Variants in ROBO2 observed in about 807,000 individuals in gnomAD.
ROBO2 encodes the protein roundabout guidance receptor 2, also known as roundabout homolog 2.
In ROBO2, 53 loss-of-function variants were observed where a neutral mutation model predicts 160.8. The observed-to-expected ratio is 0.33, with a 90% confidence interval of 0.26 to 0.41. The LOEUF (loss-of-function observed/expected upper bound fraction) is 0.41, where lower values mean the gene tolerates loss of function less well. ROBO2 is among the 10% of genes least tolerant of loss of function. The pLI is 1.00. For synonymous variants in ROBO2, 664 were observed against 611.7 expected (o/e 1.09, Z -1.26); for missense variants, 1,577 against 1,722.4 (o/e 0.92, Z 1.49).
intron 2 of ROBO2, among the ~76,000 whole-genome samples, chr3:76,393,158 G>T (rs2077240723): frequency 6.6e-6 from 1 of 152,112 alleles, no homozygotes; most frequent in Non-Finnish European, 1.5e-5. Flanking sequence ...ATGGGAGCTT[G>T]TTAAAAATAC....
intron 2 of ROBO2, among the ~76,000 whole-genome samples, chr3:77,017,785 T>A (rs1578281880): frequency 1.3e-5 from 2 of 152,140 alleles, no homozygotes; most frequent in Admixed American, 1.3e-4. Flanking sequence ...TAATTTGTAA[T>A]GAAAAATACT....
At chr3:76,943,513 A>C (rs1373046974) in intron 2 of ROBO2, among the ~76,000 whole-genome samples, 2 of 152,228 alleles carry the variant, frequency 1.3e-5, no homozygotes, top group African/African-American at 4.8e-5. Flanking sequence ...TCTGTAAAAC[A>C]TATTGGAAAG....
chr3:76,437,787 T>C (rs2076752371), intron 2 of ROBO2, among the ~76,000 whole-genome samples: 1 of 152,206 alleles, frequency 6.6e-6, no homozygotes, highest in South Asian at 2.1e-4. Context: ...TTCTAAAATA[T>C]TGCCTGCTAC....
chr3:77,219,197 G>A (rs59241222), intron 2 of ROBO2, among the ~76,000 whole-genome samples: 5,360 of 151,482 alleles, frequency 0.035, 112 homozygotes, highest in Middle Eastern at 0.051. Flanking sequence ...CTCGAACTCA[G>A]CACCTCAAGT....
chr3:75,928,071 G>A (rs1201857740), intron 1 of ROBO2, among the ~76,000 whole-genome samples: 1 of 135,860 alleles, frequency 7.4e-6, no homozygotes, highest in Non-Finnish European at 1.5e-5. Flanking sequence ...TGCAAGCTCC[G>A]CCTCCCGGGT....
rs2066382696 is a variant in ROBO2 at position 76,015,532 on chromosome 3, C to T, written c.109+77930C>T. Among the ~76,000 whole-genome samples, 4 of 152,194 alleles carry T rather than the reference C, an allele frequency of 2.6e-5. No individual in the cohort carries two copies. The South Asian group carries it at 8.3e-4, about 31-fold the overall frequency. ...TATTTTACACAATTTTAGCCATCAA[C>T]AACTTATATTAACAACTAAATTAAG... On this transcript the variant is annotated intron_variant, in intron 2 of 26. Coordinates refer to the ROBO2 transcript ENST00000487694.
At position 77,282,294 on chromosome 3, in the gene ROBO2, C is replaced by T. The variant is rs150367580; in HGVS notation, c.388+183954C>T. On this transcript the variant is annotated intron_variant, in intron 2 of 25. Transcript: ENST00000461745. ...TGACTGAATTTATTTTTTTAAATAA[C>T]TGAATTACTGCATAAAATATAATTA... 9.3e-4 allele frequency among the ~76,000 whole-genome samples: 141 copies of T among 151,992 alleles called. 1 individual carries two copies. In the East Asian group the frequency reaches 0.024, roughly 26 times the overall value.
intron 2 of ROBO2, among the ~76,000 whole-genome samples, chr3:77,235,061 A>G (rs1022351172): frequency 6.6e-6 from 1 of 152,230 alleles, no homozygotes; most frequent in African/African-American, 2.4e-5. Context: ...CAATCATACA[A>G]AATGAAAGGT....
intron 2 of ROBO2, among the ~76,000 whole-genome samples, chr3:76,337,372 G>A (rs1030014674): frequency 6.6e-6 from 1 of 152,102 alleles, no homozygotes; most frequent in Non-Finnish European, 1.5e-5. Context: ...GGTCCACTTA[G>A]GTAAAATACA....
rs1559929615 is a variant in ROBO2 at position 76,428,222 on chromosome 3, CATTCACACTGAA to C, written c.109+490621_109+490632del. 3.9e-5 allele frequency among the ~76,000 whole-genome samples: 6 copies of C among 152,266 alleles called. No homozygotes were observed. The South Asian group carries it at 1.2e-3, about 32-fold the overall frequency. ...TTCGAGTCTTCCAATAGGCTCCAGA[CATTCACACTGAA>C]CATCTTTGTAATGAATCCATCACCT... On this transcript the variant is annotated intron_variant, in intron 2 of 26. Coordinates refer to the ROBO2 transcript ENST00000487694.
intron 2 of ROBO2, among the ~76,000 whole-genome samples, chr3:76,686,426 C>T (rs1212889544): frequency 6.7e-6 from 1 of 148,584 alleles, no homozygotes; most frequent in Admixed American, 6.6e-5. Flanking sequence ...CAGCTAAATT[C>T]TCATACACCA....
At chr3:76,962,733 A>G (rs1267212381) in intron 2 of ROBO2, among the ~76,000 whole-genome samples, 1 of 151,998 alleles carries the variant, frequency 6.6e-6, no homozygotes, top group Non-Finnish European at 1.5e-5. Flanking sequence ...CTTGAGGCCA[A>G]GAGTTCGAGG....
intron 2 of ROBO2, among the ~76,000 whole-genome samples, chr3:76,727,326 G>A (rs2093567731): frequency 6.6e-6 from 1 of 152,092 alleles, no homozygotes; most frequent in Non-Finnish European, 1.5e-5. Flanking sequence ...AAAATAGAAA[G>A]GAAGACAGAA....
intron 2 of ROBO2, among the ~76,000 whole-genome samples, chr3:76,219,371 C>T (rs1249045685): frequency 6.6e-6 from 1 of 152,118 alleles, no homozygotes; most frequent in Non-Finnish European, 1.5e-5. Context: ...AAGAAACCAC[C>T]ATCAGAGTGA....
At chr3:76,884,365 C>T (rs2073668531) in intron 2 of ROBO2, among the ~76,000 whole-genome samples, 1 of 152,158 alleles carries the variant, frequency 6.6e-6, no homozygotes, top group South Asian at 2.1e-4. Flanking sequence ...TAAGCTGCAC[C>T]ACACATCAGA....
intron 2 of ROBO2, among the ~76,000 whole-genome samples, chr3:77,287,915 A>G (rs1427906598): frequency 6.6e-6 from 1 of 152,094 alleles, no homozygotes; most frequent in Middle Eastern, 3.2e-3. Flanking sequence ...ATTTCATTTT[A>G]TTTTCCTTTA....
chr3:77,564,400 A>G (rs1465210932), intron 11 of ROBO2: 5 of 453,364 alleles, frequency 1.1e-5, no homozygotes, highest in East Asian at 7.0e-5. Context: ...TTTATTAACA[A>G]TGTAACCAAG....
chr3:76,527,463 A>G (rs1198976834), intron 2 of ROBO2, among the ~76,000 whole-genome samples: 1 of 152,114 alleles, frequency 6.6e-6, no homozygotes, highest in African/African-American at 2.4e-5. Flanking sequence ...ATTTAATTCT[A>G]TTTCATATTG....
chr3:77,500,403 T>G (rs1236910587), intron 5 of ROBO2, among the ~76,000 whole-genome samples: 3 of 152,164 alleles, frequency 2.0e-5, no homozygotes, highest in Non-Finnish European at 2.9e-5. Context: ...ATCTCTATTT[T>G]AAATGAGAGG....
Sources: gnomAD v4.1 joint callset for allele counts (sites outside exome capture counted in the v4.1 genomes callset) on GRCh38, gnomAD v4.1.1 for gene constraint, MANE v1.5 for transcripts, NCBI Gene and HGNC (gene_info 2026-07-23, HGNC 2026-07-21) for gene names.